LRP1B: variants seen among roughly 807,000 people sequenced by gnomAD.
The protein encoded by LRP1B is low-density lipoprotein receptor-related protein 1B.
Under a neutral mutation model 556.6 loss-of-function variants are expected in LRP1B, and 217 were observed. The observed-to-expected ratio is 0.39, with a 90% CI of 0.35 to 0.44. The LOEUF (loss-of-function observed/expected upper bound fraction) is 0.44. Ranked by LOEUF, LRP1B falls within the 20% of genes least tolerant of loss-of-function variation. The probability of loss-of-function intolerance (pLI) is 1.00; values close to 1 mark genes in which losing one functional copy is unlikely to be tolerated. For synonymous variants in LRP1B, 2,047 were observed against 1,865.8 expected, an observed-to-expected ratio of 1.10 and a Z score of -2.50; for missense variants, 5,053 against 5,620.8, an observed-to-expected ratio of 0.90 and a Z score of 3.23.
intron 43 of LRP1B, among the ~76,000 whole-genome samples, chr2:140,567,080 A>T (rs1167570978): frequency 2.0e-5 from 3 of 152,084 alleles, no homozygotes. Flanking sequence ...TGGAAACAAA[A>T]ATGGCTAGGC....
At chr2:140,314,597 G>A (rs561148409) in intron 83 of LRP1B, among the ~76,000 whole-genome samples, 10 of 151,948 alleles carry the variant, frequency 6.6e-5, no homozygotes, top group African/African-American at 1.9e-4. Flanking sequence ...GGAAAACTAC[G>A]TGCAACAACA....
In LRP1B at chr2:140,979,253, A is replaced by G. The variant is rs1216354857; in HGVS notation, c.2887+2907T>C. Among the ~76,000 whole-genome samples, 25 of 152,214 alleles carry G rather than the reference A, an allele frequency of 1.6e-4. 1 individual carries two copies. The highest frequency in any genetic ancestry group is 1.3e-4 in the Admixed American group (2 of 15,276). On this transcript the variant is annotated intron_variant, in intron 18 of 90. Transcript: ENST00000389484. Reference sequence around the variant, plus strand: ...CTTGGTCTCCCAAAGCGCTGGAATTACAGGCATGAACCACCACACCTGGTC... The same window carrying G: ...CTTGGTCTCCCAAAGCGCTGGAATTGCAGGCATGAACCACCACACCTGGTC...
At chr2:142,035,740 A>G (rs1365743945) in intron 1 of LRP1B, among the ~76,000 whole-genome samples, 1 of 151,550 alleles carries the variant, frequency 6.6e-6, no homozygotes, top group African/African-American at 2.4e-5. Flanking sequence ...ACTTTGCCCA[A>G]ATCAGTTCCT....
chr2:140,809,956 C>T (rs573293379), intron 32 of LRP1B, among the ~76,000 whole-genome samples: 4 of 152,244 alleles, frequency 2.6e-5, no homozygotes, highest in Non-Finnish European at 2.9e-5. Flanking sequence ...TCATCACTTC[C>T]GCCTTATACT....
chr2:142,031,675 C>T (rs1042323799), intron 1 of LRP1B, among the ~76,000 whole-genome samples: 11 of 151,494 alleles, frequency 7.3e-5, no homozygotes, highest in African/African-American at 2.7e-4. Flanking sequence ...CTCCTCTTCC[C>T]ATTTCCCGCA....
chr2:141,455,578 G>A (rs898298917), intron 3 of LRP1B, among the ~76,000 whole-genome samples: 2 of 152,202 alleles, frequency 1.3e-5, no homozygotes, highest in African/African-American at 4.8e-5. Flanking sequence ...ACAGGGGTAG[G>A]AGCAAGTGTT....
chr2:141,342,664 G>A (rs1010066039), intron 3 of LRP1B, among the ~76,000 whole-genome samples: 8 of 152,012 alleles, frequency 5.3e-5, no homozygotes, highest in African/African-American at 1.7e-4. Context: ...GTGAAGACAA[G>A]ATTAGAGCAA....
At chr2:141,375,490 G>A (rs1256651913) in intron 3 of LRP1B, among the ~76,000 whole-genome samples, 3 of 152,048 alleles carry the variant, frequency 2.0e-5, no homozygotes, top group Admixed American at 6.6e-5. Context: ...TGAGACCCAA[G>A]CAGTCCATGT....
At chr2:140,704,902 T>C (rs1373188026) in intron 37 of LRP1B, among the ~76,000 whole-genome samples, 1 of 152,214 alleles carries the variant, frequency 6.6e-6, no homozygotes, top group African/African-American at 2.4e-5. Context: ...AAGCTATTTA[T>C]AGGTTGGTAC....
At chr2:140,884,223 T>TTAATCTAGTAAATCC (rs1390772721) in intron 24 of LRP1B, among the ~76,000 whole-genome samples, 1 of 152,188 alleles carries the variant, frequency 6.6e-6, no homozygotes, top group African/African-American at 2.4e-5. Flanking sequence ...CCAGAAATCT[T>TTAATCTAGTAAATCC]TAATCTAGTA....
intron 1 of LRP1B, among the ~76,000 whole-genome samples, chr2:142,093,268 G>A (rs761657837): frequency 4.6e-5 from 7 of 151,902 alleles, no homozygotes; most frequent in Admixed American, 6.6e-5. Flanking sequence ...TTTCCTTCTC[G>A]CCTTCCCCCA....
chr2:141,705,293 A>C (rs1692096717), intron 2 of LRP1B, among the ~76,000 whole-genome samples: 1 of 151,934 alleles, frequency 6.6e-6, no homozygotes, highest in Non-Finnish European at 1.5e-5. Context: ...TTTGAACGTC[A>C]ATTTCTCCTT....
intron 3 of LRP1B, among the ~76,000 whole-genome samples, chr2:141,287,827 T>G (rs957463302): frequency 6.6e-6 from 1 of 152,192 alleles, no homozygotes; most frequent in Admixed American, 6.5e-5. Context: ...TTTGGTCTAC[T>G]TTTTCTACCA....
At chr2:140,825,858 T>C (rs1223950949) in intron 31 of LRP1B, among the ~76,000 whole-genome samples, 1 of 152,226 alleles carries the variant, frequency 6.6e-6, no homozygotes, top group African/African-American at 2.4e-5. Flanking sequence ...ATGTAATGCT[T>C]ACTTTCATGT....
At chr2:141,326,262 A>T (rs1355740911) in intron 3 of LRP1B, among the ~76,000 whole-genome samples, 1 of 152,178 alleles carries the variant, frequency 6.6e-6, no homozygotes, top group African/African-American at 2.4e-5. Context: ...AAGTGATTTG[A>T]TAAAAGTATT....
At chr2:141,433,054 C>A (rs1308436219) in intron 3 of LRP1B, among the ~76,000 whole-genome samples, 4 of 152,028 alleles carry the variant, frequency 2.6e-5, no homozygotes, top group African/African-American at 9.7e-5. Flanking sequence ...CTGAGCACTG[C>A]ATTAGCTGCA....
intron 3 of LRP1B, among the ~76,000 whole-genome samples, chr2:141,289,137 A>G (rs1395628914): frequency 6.6e-6 from 1 of 151,968 alleles, no homozygotes; most frequent in African/African-American, 2.4e-5. Flanking sequence ...GTAATCCCAG[A>G]ATTTTGGGAG....
intron 89 of LRP1B, among the ~76,000 whole-genome samples, chr2:140,235,818 C>A (rs191049269): frequency 6.6e-6 from 1 of 150,658 alleles, no homozygotes. Flanking sequence ...AAAAAATAAC[C>A]CTCCTTCATA....
chr2:141,018,013 A>AT (rs1052912304), intron 12 of LRP1B, among the ~76,000 whole-genome samples: 11 of 151,892 alleles, frequency 7.2e-5, no homozygotes, highest in African/African-American at 2.7e-4. Context: ...AAAAAAAAAA[A>AT]AAATTATGAA....
Sources: allele counts gnomAD v4.1 joint callset (sites outside exome capture counted in the v4.1 genomes callset), GRCh38; gene constraint gnomAD v4.1.1; transcripts MANE v1.5; gene names NCBI Gene and HGNC (gene_info 2026-07-23, HGNC 2026-07-21).